ANKRD30B: variants seen among roughly 807,000 people sequenced by gnomAD.
The protein encoded by ANKRD30B is ankyrin repeat domain-containing protein 30B.
A neutral mutation model predicts 202.2 loss-of-function variants in ANKRD30B; 144 were observed. That is an observed-to-expected ratio of 0.71 (90% CI 0.62 to 0.82). The LOEUF (loss-of-function observed/expected upper bound fraction) is 0.82. ANKRD30B is among the 40% of genes least tolerant of loss of function. ANKRD30B has a pLI of 0.00. For missense variants in ANKRD30B, 1,487 were observed against 1,669.1 expected (o/e 0.89, Z 1.90); for synonymous variants, 508 against 561.3 (o/e 0.91, Z 1.34).
chr18:14,864,518 C>A, the ANKRD30B span, among the ~76,000 whole-genome samples: 1 of 151,948 alleles, frequency 6.6e-6, no homozygotes, highest in Admixed American at 6.6e-5. Context: ...AAAACTTTTT[C>A]CCCACCATTT....
the ANKRD30B span, among the ~76,000 whole-genome samples, chr18:14,863,155 T>A: frequency 6.6e-6 from 1 of 152,144 alleles, no homozygotes; most frequent in South Asian, 2.1e-4. Context: ...TTGTGCAATA[T>A]GAGAAGGACA....
At chr18:14,825,005 A>G (rs1463262283) in intron 32 of ANKRD30B, 1 of 152,222 alleles carries the variant, frequency 6.6e-6, no homozygotes, top group African/African-American at 2.4e-5. Context: ...GGACCACGAT[A>G]CCAAGTCTCC....
intron 8 of ANKRD30B, among the ~76,000 whole-genome samples, chr18:14,770,091 G>C (rs1223610181): frequency 2.0e-5 from 3 of 151,990 alleles, no homozygotes; most frequent in Non-Finnish European, 1.5e-5. Context: ...CTAGTTGCAG[G>C]CATTTTTCAT....
At position 14,797,768 on chromosome 18, in the gene ANKRD30B, C is replaced by G. The variant is rs1388301553; in HGVS notation, c.1957-14C>G. On this transcript the variant is annotated splice_polypyrimidine_tract_variant and intron_variant, in intron 19 of 43. Transcript: ENST00000690538. ...ACATTATATATTAATTTTTGTGTTT[C>G]CGAACCCATTTAGCCTACCTGTGGA... The G allele has an allele frequency of 6.3e-7, 1 of 1,577,058 alleles. No homozygotes were observed. The highest frequency in any genetic ancestry group is 8.6e-7 in the Non-Finnish European group (1 of 1,160,384).
chr18:14,920,164 C>T, the ANKRD30B span, among the ~76,000 whole-genome samples: 2 of 152,228 alleles, frequency 1.3e-5, no homozygotes, highest in African/African-American at 4.8e-5. Context: ...CCTTCCAGGA[C>T]CCTCCTTGTT....
At chr18:14,793,393 G>C (rs925515884) in intron 16 of ANKRD30B, among the ~76,000 whole-genome samples, 5 of 152,114 alleles carry the variant, frequency 3.3e-5, no homozygotes, top group African/African-American at 9.7e-5. Flanking sequence ...ACATGGTGTA[G>C]CATTCTATGT....
the ANKRD30B span, among the ~76,000 whole-genome samples, chr18:14,893,963 TAAAAG>T: frequency 6.7e-6 from 1 of 150,308 alleles, no homozygotes; most frequent in Admixed American, 6.7e-5. Context: ...AAAATATAAA[TAAAAG>T]AGAGAGAGAG....
the ANKRD30B span, among the ~76,000 whole-genome samples, chr18:14,883,365 GTCTGTCTCTCTC>G: frequency 2.3e-3 from 248 of 105,762 alleles, 1 homozygote; most frequent in Middle Eastern, 0.01. Context: ...CTCTCTGTCT[GTCTGTCTCTCTC>G]TCTCTCTCTC....
chr18:14,875,761 C>G, the ANKRD30B span, among the ~76,000 whole-genome samples: 2 of 152,162 alleles, frequency 1.3e-5, no homozygotes, highest in Non-Finnish European at 2.9e-5. Context: ...GAAGCAGTAT[C>G]ATACAGGAGA....
downstream of ANKRD30B, among the ~76,000 whole-genome samples, chr18:14,856,164 G>A (rs1340033151): frequency 6.8e-6 from 1 of 146,680 alleles, no homozygotes; most frequent in Non-Finnish European, 1.5e-5. Context: ...GGACGGCCAG[G>A]CAGAGGCGCT....
chr18:14,883,349 TTC>T, the ANKRD30B span, among the ~76,000 whole-genome samples: 1 of 104,884 alleles, frequency 9.5e-6, no homozygotes. Flanking sequence ...CTCTCTCTCT[TTC>T]TCTCTCTCTG....
chr18:14,919,675 T>C, the ANKRD30B span, among the ~76,000 whole-genome samples: 1 of 152,340 alleles, frequency 6.6e-6, no homozygotes, highest in South Asian at 2.1e-4. Flanking sequence ...AAAAAGTTTC[T>C]AACATGATGA....
intron 6 of ANKRD30B, among the ~76,000 whole-genome samples, chr18:14,761,334 C>T (rs1257959801): frequency 1.3e-5 from 2 of 152,152 alleles, no homozygotes; most frequent in South Asian, 2.1e-4. Context: ...GCAGCCACAA[C>T]CCTGGCAAGC....
the ANKRD30B span, among the ~76,000 whole-genome samples, chr18:14,919,167 T>A: frequency 6.6e-6 from 1 of 152,224 alleles, no homozygotes; most frequent in Non-Finnish European, 1.5e-5. Context: ...CACTAGGTTA[T>A]AAGGGATTAG....
chr18:14,932,792 C>T, the ANKRD30B span, among the ~76,000 whole-genome samples: 1 of 152,204 alleles, frequency 6.6e-6, no homozygotes, highest in Admixed American at 6.5e-5. Context: ...AGCTCTTGCC[C>T]TCTTCTCTCT....
At chr18:14,937,418 G>A in the ANKRD30B span, among the ~76,000 whole-genome samples, 181 of 124,420 alleles carry the variant, frequency 1.5e-3, 1 homozygote, top group African/African-American at 5.3e-3. Context: ...AACAGCAGGT[G>A]CCGCCGGTTT....
the ANKRD30B span, among the ~76,000 whole-genome samples, chr18:14,921,385 G>A: frequency 6.7e-6 from 1 of 148,674 alleles, no homozygotes; most frequent in Non-Finnish European, 1.5e-5. Flanking sequence ...TGGGTGGAGA[G>A]GGCAGGAGAC....
the ANKRD30B span, among the ~76,000 whole-genome samples, chr18:14,928,154 G>A: frequency 3.9e-5 from 6 of 152,152 alleles, no homozygotes; most frequent in South Asian, 8.3e-4. Flanking sequence ...TTTTAGTAGA[G>A]ACAGAGTTTC....
the ANKRD30B span, among the ~76,000 whole-genome samples, chr18:14,938,212 C>T: frequency 4.6e-5 from 7 of 152,184 alleles, no homozygotes; most frequent in African/African-American, 1.7e-4. Flanking sequence ...CTGAATATAC[C>T]TCAGCTGATT....
Sources: allele counts gnomAD v4.1 joint callset (sites outside exome capture counted in the v4.1 genomes callset), GRCh38; gene constraint gnomAD v4.1.1; transcripts MANE v1.5; gene names NCBI Gene and HGNC (gene_info 2026-07-23, HGNC 2026-07-21).